Variants in RAPGEF2 observed in about 807,000 individuals in gnomAD.
RAPGEF2 encodes the protein Rap guanine nucleotide exchange factor 2, also known as PDZ domain containing guanine nucleotide exchange factor (GEF) 1.
In RAPGEF2, 54 loss-of-function variants were observed where a neutral mutation model predicts 186.7. The ratio of observed to expected loss-of-function variants is 0.29; its 90% CI spans 0.23 to 0.36. The LOEUF (loss-of-function observed/expected upper bound fraction) is 0.36. RAPGEF2 is among the 10% of genes least tolerant of loss of function. The pLI, the probability that RAPGEF2 is intolerant of heterozygous loss-of-function variation, is 1.00. For synonymous variants in RAPGEF2, 712 were observed against 705.9 expected (o/e 1.01, Z -0.14); for missense variants, 1,532 against 2,045.0 (o/e 0.75, Z 4.84).
At chr4:159,338,492 T>C in intron 18 of RAPGEF2, 24 bp downstream of exon 18, 1 of 1,583,316 alleles carries the variant, frequency 6.3e-7, no homozygotes, top group Non-Finnish European at 8.6e-7. Flanking sequence ...ACACTTCTTT[T>C]GTTTTCTTAT....
At chr4:159,212,622 G>A (rs913201530) in intron 4 of RAPGEF2, among the ~76,000 whole-genome samples, 1 of 152,034 alleles carries the variant, frequency 6.6e-6, no homozygotes, top group Non-Finnish European at 1.5e-5. Flanking sequence ...ATAACTTTTA[G>A]TGCCTATTTA....
rs140952626 is a variant in RAPGEF2, at chr4:159,188,160, T to C, written c.140+1448T>C. On this transcript the variant is annotated intron_variant, in intron 2 of 29. Coordinates refer to ENST00000691494, the MANE Select transcript of RAPGEF2 (RefSeq NM_001394067.2). ...CAACTTTGCTAAGAAAAAATTGTAC[T>C]AACAATTATTTAATTGCGTGCGGTT... 2.7e-3 allele frequency among the ~76,000 whole-genome samples: 416 copies of C among 152,152 alleles called. 1 individual carries two copies. Among genetic ancestry groups the C allele is most frequent in the African/African-American group, 9.4e-3 (389 of 41,414 alleles).
chr4:159,304,480 G>T lies in RAPGEF2; in HGVS notation c.675+7G>T. The stretch of plus-strand genomic sequence containing the variant: ...TCTTTCTGATATCTACCAGGTAAGA[G>T]GATGTTTTCCTTGTCATTTGCTTCA... On this transcript the variant is annotated splice_region_variant and intron_variant, in intron 8 of 29. Transcript: ENST00000691494. 1.3e-6 allele frequency: 2 copies of T among 1,594,988 alleles called. No homozygotes were observed. Among genetic ancestry groups the T allele is most frequent in the Non-Finnish European group, 1.7e-6 (2 of 1,166,644 alleles).
intron 2 of RAPGEF2, among the ~76,000 whole-genome samples, chr4:159,192,462 TTTTCTA>T (rs1363311084): frequency 5.9e-5 from 9 of 152,176 alleles, no homozygotes; most frequent in South Asian, 2.1e-4. Flanking sequence ...ATAGCCAGCT[TTTTCTA>T]TTTCTAGTTC....
At chr4:159,277,136 A>T (rs1466767355) in intron 7 of RAPGEF2, among the ~76,000 whole-genome samples, 1 of 137,936 alleles carries the variant, frequency 7.2e-6, no homozygotes, top group Non-Finnish European at 1.5e-5. Context: ...AAGTGTTCTC[A>T]TTGTTCAATT....
At chr4:159,133,409 A>AT (rs1741320682) in intron 1 of RAPGEF2, among the ~76,000 whole-genome samples, 2 of 151,666 alleles carry the variant, frequency 1.3e-5, no homozygotes, top group South Asian at 4.1e-4. Context: ...TTAAGTGTAA[A>AT]GTTGTATGAA....
intron 24 of RAPGEF2, 50 bp from the exon 25 acceptor site, chr4:159,346,739 A>G (rs765577302): frequency 4.8e-6 from 7 of 1,449,092 alleles, no homozygotes; most frequent in Admixed American, 1.7e-5. Context: ...CTACATACCT[A>G]CTAGCATCTA....
Position 159,126,151 on chromosome 4 carries a change from A to G in RAPGEF2, c.69+21920A>G, listed in dbSNP as rs114695063. ...AATTTTTATGTTTTTTATGAAAACA[A>G]TATTTTTTTGGAAAGGATTGAATAC... On this transcript the variant is annotated intron_variant, in intron 1 of 29. Transcript: ENST00000691494. Among the ~76,000 whole-genome samples the G allele has an allele frequency of 8.5e-3, 1,295 of 152,334 alleles. 23 individuals are homozygous for G. The highest frequency in any genetic ancestry group is 0.03 in the African/African-American group (1,229 of 41,574).
intron 1 of RAPGEF2, among the ~76,000 whole-genome samples, chr4:159,180,991 GTTA>G (rs1441054096): frequency 6.6e-6 from 1 of 152,040 alleles, no homozygotes; most frequent in Non-Finnish European, 1.5e-5. Context: ...AGAAATAATG[GTTA>G]TTATTCAAAG....
At position 159,304,406 on chromosome 4, in the gene RAPGEF2, C is replaced by T. The variant is rs772215991; in HGVS notation, c.608C>T (p.Ser203Phe). ...CTCCACCCACAGGTGACCCACGTTTCTTCTAGCCATTCAGGATGTAGTATC... is the reference window on the plus strand; with the variant it reads ...CTCCACCCACAGGTGACCCACGTTTTTTCTAGCCATTCAGGATGTAGTATC... Reference protein sequence around the residue: ...DSLHPQVTHVSSSHSGCSITS... With the variant: ...DSLHPQVTHVFSSHSGCSITS... Residue 203 changes from serine (S) to phenylalanine (F), a missense_variant, in exon 8 of 30, where the codon TCT (serine) becomes TTT (phenylalanine). This residue lies in a region of RAPGEF2 where 810 missense variants were observed against 1,210.5 expected (regional missense o/e 0.67). Transcript: ENST00000691494. 1.3e-5 allele frequency: 21 copies of T among 1,602,552 alleles called. No individual in the cohort carries two copies. The highest frequency in any genetic ancestry group is 1.7e-5 in the Non-Finnish European group (20 of 1,169,842).
chr4:159,186,124 C>T (rs1241123868), intron 1 of RAPGEF2, among the ~76,000 whole-genome samples: 1 of 150,592 alleles, frequency 6.6e-6, no homozygotes, highest in African/African-American at 2.4e-5. Context: ...GGCACGTTTT[C>T]TTTTTTAAAA....
intron 1 of RAPGEF2, among the ~76,000 whole-genome samples, chr4:159,108,383 CTTTTTTTTT>C (rs35882271): frequency 2.8e-5 from 3 of 107,910 alleles, no homozygotes; most frequent in East Asian, 3.2e-4. Flanking sequence ...ACAGAACTTT[CTTTTTTTTT>C]TTTTTTTTTT....
intron 7 of RAPGEF2, among the ~76,000 whole-genome samples, chr4:159,281,280 G>A (rs541129735): frequency 3.3e-5 from 5 of 151,996 alleles, no homozygotes; most frequent in East Asian, 1.9e-4. Context: ...GTGAGCCACC[G>A]CACCTGGCCA....
intron 11 of RAPGEF2, 80 bp from the exon 12 acceptor site, chr4:159,329,778 A>G: frequency 8.3e-7 from 1 of 1,209,142 alleles, no homozygotes. Flanking sequence ...GTTTTAAATA[A>G]TTAAAACACT....
chr4:159,108,862 T>G (rs2111054550), intron 1 of RAPGEF2, among the ~76,000 whole-genome samples: 1 of 152,192 alleles, frequency 6.6e-6, no homozygotes, highest in South Asian at 2.1e-4. Flanking sequence ...GTCTACAGGC[T>G]TATGTCACTG....
At chr4:159,138,872 G>A (rs1046397289) in intron 1 of RAPGEF2, among the ~76,000 whole-genome samples, 7 of 152,136 alleles carry the variant, frequency 4.6e-5, no homozygotes, top group African/African-American at 1.7e-4. Context: ...ATAGTTTATA[G>A]GCACTGAAAG....
At chr4:159,120,701 G>C (rs1739578003) in intron 1 of RAPGEF2, among the ~76,000 whole-genome samples, 1 of 151,982 alleles carries the variant, frequency 6.6e-6, no homozygotes, top group African/African-American at 2.4e-5. Context: ...TATTTCTTTT[G>C]GTGGGACTAC....
intron 16 of RAPGEF2, among the ~76,000 whole-genome samples, 194 bp downstream of exon 16, chr4:159,332,228 G>A (rs866155840): frequency 2.6e-5 from 4 of 151,778 alleles, no homozygotes; most frequent in Admixed American, 2.6e-4. Flanking sequence ...TAAAATAACC[G>A]TAAAGAGTAT....
chr4:159,241,548 A>G (rs1410499951), intron 6 of RAPGEF2, among the ~76,000 whole-genome samples, 180 bp downstream of exon 6: 2 of 148,542 alleles, frequency 1.3e-5, no homozygotes, highest in Non-Finnish European at 3.0e-5. Context: ...AAATAAATAT[A>G]TAATATGTAT....
Sources: allele counts gnomAD v4.1 joint callset (sites outside exome capture counted in the v4.1 genomes callset), GRCh38; gene constraint gnomAD v4.1.1; regional missense constraint gnomAD v4.1.1; transcripts MANE v1.5; gene names NCBI Gene and HGNC (gene_info 2026-07-23, HGNC 2026-07-21).